Variants in AASS observed in about 807,000 individuals in gnomAD.
The protein encoded by AASS is alpha-aminoadipic semialdehyde synthase, mitochondrial.
In AASS, 86 loss-of-function variants were observed where a neutral mutation model predicts 105.4. The ratio of observed to expected loss-of-function variants is 0.82; its 90% confidence interval spans 0.69 to 0.98. The LOEUF is 0.98. AASS is among the 50% of genes least tolerant of loss of function. AASS has a pLI of 0.00. For missense variants in AASS, 1,048 were observed against 1,143.2 expected (o/e 0.92, Z 1.20); for synonymous variants, 381 against 394.8 (o/e 0.96, Z 0.41).
chr7:122,114,933 T>A, intron 9 of AASS, 141 bp downstream of exon 9: 1 of 1,081,016 alleles, frequency 9.3e-7, no homozygotes, highest in Non-Finnish European at 1.4e-6. Flanking sequence ...GTTAACAGTG[T>A]TGAGTACTGC....
chr7:122,079,234 G>A (rs950922807), intron 21 of AASS: 4 of 1,367,862 alleles, frequency 2.9e-6, no homozygotes, highest in Non-Finnish European at 3.8e-6. Context: ...TAATTTATAG[G>A]TTAGTTCTCC....
chr7:122,113,315 G>C, intron 10 of AASS, 86 bp from the exon 11 acceptor site: 3 of 1,213,088 alleles, frequency 2.5e-6, no homozygotes, highest in Non-Finnish European at 3.6e-6. Flanking sequence ...CACTATATTT[G>C]CTTCATTATC....
At chr7:122,143,502 G>A (rs2150562559) in intron 1 of AASS, among the ~76,000 whole-genome samples, 1 of 151,222 alleles carries the variant, frequency 6.6e-6, no homozygotes, top group Admixed American at 6.6e-5. Context: ...CTCACAATGG[G>A]CTGCATAGTC....
intron 6 of AASS, 110 bp downstream of exon 6, chr7:122,118,197 A>C: frequency 7.9e-7 from 1 of 1,265,186 alleles, no homozygotes. Flanking sequence ...AAAGTGCCTA[A>C]AATAGAATCT....
intron 15 of AASS, among the ~76,000 whole-genome samples, chr7:122,096,872 T>C (rs1794179099): frequency 1.3e-5 from 2 of 152,116 alleles, no homozygotes; most frequent in African/African-American, 4.8e-5. Context: ...ATGGATTTTA[T>C]CATGTTATTT....
At chr7:122,141,348 A>C (rs1394144522) in intron 1 of AASS, among the ~76,000 whole-genome samples, 1 of 152,136 alleles carries the variant, frequency 6.6e-6, no homozygotes, top group African/African-American at 2.4e-5. Flanking sequence ...CCTGGTCTCT[A>C]GCTTATAATT....
chr7:122,098,970 T>A, intron 13 of AASS, 104 bp from the exon 14 acceptor site: 1 of 1,225,284 alleles, frequency 8.2e-7, no homozygotes, highest in Non-Finnish European at 1.1e-6. Context: ...AAAACCTAAA[T>A]AATGAAGCAA....
rs34474265 is a variant in AASS, at chr7:122,098,872, TAAAAAAAAAAA to T, written c.1407-17_1407-7del. On this transcript the variant is annotated splice_region_variant and splice_polypyrimidine_tract_variant and intron_variant, in intron 13 of 23. Transcript: ENST00000417368. ...AAAGTGACTGAGCACGTTCCCTATT[TAAAAAAAAAAA>T]AAAAAAAAAAAAAGGGAAGGGGCTA... The T allele has an allele frequency of 3.4e-6, 4 of 1,167,180 alleles. No individual in the cohort carries two copies. The highest frequency in any genetic ancestry group is 7.7e-5 in the East Asian group (2 of 26,004). The allele number at this position is 1,167,180 out of a possible 1,614,324, so 72.3% of individuals were successfully genotyped here.
At chr7:122,111,009 T>C (rs1036558259) in intron 11 of AASS, among the ~76,000 whole-genome samples, 19 of 152,072 alleles carry the variant, frequency 1.2e-4, no homozygotes, top group African/African-American at 4.3e-4. Context: ...GAAAATGCAT[T>C]TGATACATGT....
In AASS at chr7:122,116,864, T is replaced by A. The variant is rs184850645; in HGVS notation, c.766+15A>T. 13 of 1,613,484 alleles carry A rather than the reference T, an allele frequency of 8.1e-6. No individual in the cohort carries two copies. The East Asian group carries it at 2.7e-4, about 33-fold the overall frequency. On this transcript the variant is annotated intron_variant, in intron 7 of 23. Coordinates refer to ENST00000417368, the MANE Select transcript of AASS (RefSeq NM_005763.4). ...TGTTAAAAACATTAAAAGTTAGTCATCTCCTGTCCCTTACCTCCAGTTTGG... is the reference window on the plus strand; with the variant it reads ...TGTTAAAAACATTAAAAGTTAGTCAACTCCTGTCCCTTACCTCCAGTTTGG...
At chr7:122,077,704 G>T (rs573263220) in intron 23 of AASS, 134 bp downstream of exon 23, 1 of 1,141,484 alleles carries the variant, frequency 8.8e-7, no homozygotes, top group Non-Finnish European at 1.3e-6. Context: ...GGCAGTCCGC[G>T]CTTGGATCTT....
At chr7:122,086,293 A>G in intron 18 of AASS, 114 bp from the exon 19 acceptor site, 1 of 1,038,182 alleles carries the variant, frequency 9.6e-7, no homozygotes, top group Non-Finnish European at 1.4e-6. Flanking sequence ...AAATAAAAAT[A>G]ATGAAACCAC....
intron 15 of AASS, among the ~76,000 whole-genome samples, chr7:122,093,566 T>C (rs1000650174): frequency 6.6e-6 from 1 of 152,080 alleles, no homozygotes; most frequent in African/African-American, 2.4e-5. Flanking sequence ...TCCCAGAACT[T>C]TGGGAGGCCA....
chr7:122,106,938 C>A (rs1171980303), intron 11 of AASS, among the ~76,000 whole-genome samples: 1 of 151,954 alleles, frequency 6.6e-6, no homozygotes, highest in Non-Finnish European at 1.5e-5. Flanking sequence ...GCAAAAGAAA[C>A]TATGAACAGA....
At position 122,116,709 on chromosome 7, in the gene AASS, C is replaced by G. The variant is rs1720751188; in HGVS notation, c.818G>C (p.Arg273Thr). 3.7e-6 allele frequency: 6 copies of G among 1,613,970 alleles called. No homozygotes were observed. Among genetic ancestry groups the G allele is most frequent in the African/African-American group, 1.3e-5 (1 of 74,914 alleles). Residue 273 changes from arginine to threonine, a missense_variant, in exon 8 of 24, where the codon AGG (arginine) becomes ACG (threonine). Coordinates refer to ENST00000417368, the MANE Select transcript of AASS (RefSeq NM_005763.4). Reference sequence around the variant, plus strand: ...AGGATCATACACAGCATCTGTTTTCCTGACAAGATGATGATGACGACTTAA... The same window carrying G: ...AGGATCATACACAGCATCTGTTTTCGTGACAAGATGATGATGACGACTTAA... ...TVLSRHHHLVRKTDAVYDPAE... is the reference protein window; with the variant it reads ...TVLSRHHHLVTKTDAVYDPAE...
At chr7:122,078,553 G>C (rs895869536) in intron 22 of AASS, among the ~76,000 whole-genome samples, 19 of 152,156 alleles carry the variant, frequency 1.2e-4, no homozygotes, top group African/African-American at 3.6e-4. Flanking sequence ...CAGAGGTACA[G>C]TGAGCCGAGA....
intron 2 of AASS, among the ~76,000 whole-genome samples, chr7:122,131,316 T>C (rs967267622): frequency 1.3e-5 from 2 of 151,374 alleles, no homozygotes; most frequent in Non-Finnish European, 3.0e-5. Context: ...TGAATATTCA[T>C]TGTCAGATAT....
chr7:122,140,502 A>AAAAAAAAAAAAAAAAAAT, intron 1 of AASS, among the ~76,000 whole-genome samples: 1 of 149,710 alleles, frequency 6.7e-6, no homozygotes, highest in African/African-American at 2.5e-5. Flanking sequence ...AAAAAAAAAA[A>AAAAAAAAAAAAAAAAAAT]AAAAAAGAAT....
rs150769515 is a variant in AASS, at chr7:122,117,049, A to G, written c.688-92T>C. On this transcript the variant is annotated intron_variant, in intron 6 of 23. Coordinates refer to ENST00000417368, the MANE Select transcript of AASS (RefSeq NM_005763.4). ...AGATCTGATCATTTTCCCAACAATTACATAGCTCCACTTGCCTTCCCTACA... is the reference window on the plus strand; with the variant it reads ...AGATCTGATCATTTTCCCAACAATTGCATAGCTCCACTTGCCTTCCCTACA... The G allele has an allele frequency of 1.1e-3, 1,212 of 1,149,718 alleles. 5 individuals are homozygous for G. The African/African-American group carries it at 0.017, about 16-fold the overall frequency. The allele number at this position is 1,149,718 out of a possible 1,614,324, so 71.2% of individuals were successfully genotyped here.
Sources: gnomAD v4.1 joint callset for allele counts (sites outside exome capture counted in the v4.1 genomes callset) on GRCh38, gnomAD v4.1.1 for gene constraint, MANE v1.5 for transcripts, NCBI Gene and HGNC (gene_info 2026-07-23, HGNC 2026-07-21) for gene names.